The following YOD1 variants were observed in gnomAD, a reference collection of about 807,000 sequenced individuals.
The protein encoded by YOD1 is ubiquitin thioesterase OTU1.
YOD1 carries 17 observed loss-of-function variants against 23.7 expected under a neutral mutation model. The ratio of observed to expected loss-of-function variants is 0.72; its 90% CI spans 0.49 to 1.07. The LOEUF (loss-of-function observed/expected upper bound fraction) is 1.07, where lower values mean the gene tolerates loss of function less well. YOD1 is among the 50% of genes least tolerant of loss of function. The pLI, the probability that YOD1 is intolerant of heterozygous loss-of-function variation, is 0.00. For synonymous variants in YOD1, 191 were observed against 169.6 expected, an observed-to-expected ratio of 1.13 and a Z score of -0.98; for missense variants, 413 against 447.2, an observed-to-expected ratio of 0.92 and a Z score of 0.69.
intron 1 of YOD1, 129 bp from the exon 2 acceptor site, chr1:207,049,852 G>A (rs536099898): frequency 8.8e-6 from 7 of 797,130 alleles, no homozygotes; most frequent in East Asian, 5.4e-5. Context: ...GGAGAATACA[G>A]TTTTGCAAGT....
chr1:207,052,173 G>A, upstream of YOD1: 1 of 1,612,052 alleles, frequency 6.2e-7, no homozygotes, highest in Non-Finnish European at 8.5e-7. Flanking sequence ...AGTTCACTTG[G>A]TGCAAACTCA....
In YOD1 at chr1:207,046,791, T is replaced by C. The variant is rs528035693; in HGVS notation, c.*2229A>G. Reference sequence around the variant, plus strand: ...TTTACCCACTGTAGAAAATATATACTGAATATAAAGTGACAGAAACTTATG... The same window carrying C: ...TTTACCCACTGTAGAAAATATATACCGAATATAAAGTGACAGAAACTTATG... On this transcript the variant is annotated 3_prime_UTR_variant, in exon 2 of 2. Coordinates refer to ENST00000315927, the MANE Select transcript of YOD1 (RefSeq NM_018566.4). 7.2e-5 allele frequency: 11 copies of C among 152,104 alleles called. No individual in the cohort carries two copies. The highest frequency in any genetic ancestry group is 2.6e-4 in the Admixed American group (4 of 15,278). The allele number at this position is 152,104 out of a possible 1,614,324, so 9.4% of individuals were successfully genotyped here.
At chr1:207,051,271 G>C (rs556993568), upstream of YOD1, among the ~76,000 whole-genome samples, 1 of 152,302 alleles carries the variant, frequency 6.6e-6, no homozygotes, top group South Asian at 2.1e-4. Context: ...AGGAGTTCCT[G>C]AATGAAGGTC....
At position 207,051,005 on chromosome 1, in the gene YOD1, T is replaced by G; in HGVS notation, c.26A>C (p.His9Pro). The G allele has an allele frequency of 6.6e-7, 1 of 1,524,784 alleles. No individual in the cohort carries two copies. Among genetic ancestry groups the G allele is most frequent in the Non-Finnish European group, 8.8e-7 (1 of 1,135,246 alleles). The allele number at this position is 1,524,784 out of a possible 1,614,324, so 94.5% of individuals were successfully genotyped here. A position where few individuals can be genotyped will look rare whatever the true frequency, so the allele number is the denominator to read the frequency against. Residue 9 changes from histidine (H) to proline (P), a missense_variant, in exon 1 of 2, where the codon CAT (histidine) becomes CCT (proline). By Grantham distance (77) the His-to-Pro change is moderately conservative (BLOSUM62 -2). Coordinates refer to ENST00000315927, the MANE Select transcript of YOD1 (RefSeq NM_018566.4). MFGPAKGR[H>P]FGVHPAPGFP... ...ACCAGGCGCCGGGTGGACTCCAAAA[T>G]GGCGACCTTTAGCGGGGCCAAACAT...
In YOD1 at chr1:207,048,140, C is replaced by A. The variant is rs1321937553; in HGVS notation, c.*880G>T. 1 of 152,518 alleles carries A rather than the reference C, an allele frequency of 6.6e-6. No homozygotes were observed. The highest frequency in any genetic ancestry group is 1.5e-5 in the Non-Finnish European group (1 of 68,002). The allele number at this position is 152,518 out of a possible 1,614,324, so 9.4% of individuals were successfully genotyped here. A position where few individuals can be genotyped will look rare whatever the true frequency, so the allele number is the denominator to read the frequency against. On this transcript the variant is annotated 3_prime_UTR_variant, in exon 2 of 2. Coordinates refer to ENST00000315927, the MANE Select transcript of YOD1 (RefSeq NM_018566.4). ...CAAGGAATTTCAATTAAAAAAGTACCCTGCTTAACTTTAAAATGTTATCCA... is the reference window on the plus strand; with the variant it reads ...CAAGGAATTTCAATTAAAAAAGTACACTGCTTAACTTTAAAATGTTATCCA...
upstream of YOD1, among the ~76,000 whole-genome samples, chr1:207,052,537 T>G (rs1344666234): frequency 6.6e-6 from 1 of 152,148 alleles, no homozygotes; most frequent in Non-Finnish European, 1.5e-5. Context: ...GGTCCATGCC[T>G]TTAATTCTAG....
In YOD1 at chr1:207,045,925, A is replaced by G. The variant is rs1682590808; in HGVS notation, c.*3095T>C. 6.6e-6 allele frequency: 1 copy of G among 152,122 alleles called. No homozygotes were observed. Among genetic ancestry groups the G allele is most frequent in the Admixed American group, 6.5e-5 (1 of 15,280 alleles). 9.4% of individuals were successfully genotyped at this position (152,122 alleles called of 1,614,324 possible). On this transcript the variant is annotated 3_prime_UTR_variant, in exon 2 of 2. Transcript: ENST00000315927. ...CAAGCGTCAAGGGTACCACTTGACT[A>G]TGCTAATTTCATGGGAAACAATGAA...
At position 207,047,254 on chromosome 1, in the gene YOD1, TA is replaced by T. The variant is rs1682622795; in HGVS notation, c.*1765del. ...AAACACTTTTAAGTTATGCTGACCA[TA>T]ACAGCTTATATTGTCTAAAATAACT... On this transcript the variant is annotated 3_prime_UTR_variant, in exon 2 of 2. Coordinates refer to ENST00000315927, the MANE Select transcript of YOD1 (RefSeq NM_018566.4). 1 of 152,514 alleles carries T rather than the reference TA, an allele frequency of 6.6e-6. No homozygotes were observed. The highest frequency in any genetic ancestry group is 2.4e-5 in the African/African-American group (1 of 41,444). 9.4% of individuals were successfully genotyped at this position (152,514 alleles called of 1,614,324 possible).
In YOD1 at chr1:207,049,590, A is replaced by G. The variant is rs763255522; in HGVS notation, c.477T>C (p.Ser159=). 1.2e-5 allele frequency: 19 copies of G among 1,614,080 alleles called. No homozygotes were observed. In the East Asian group the frequency reaches 3.6e-4, roughly 30 times the overall value. Residue 159 remains serine (S), a synonymous_variant, in exon 2 of 2, where the codon TCT becomes TCC. Transcript: ENST00000315927. The part of the protein sequence containing the change: ...LTRTVVPADN[S]CLFTSVYYVV... ...CATAGTACACACTAGTAAAGAGGCAAGAGTTGTCTGCTGGGACCACGGTTC... is the reference window on the plus strand; with the variant it reads ...CATAGTACACACTAGTAAAGAGGCAGGAGTTGTCTGCTGGGACCACGGTTC...
At position 207,047,676 on chromosome 1, in the gene YOD1, T is replaced by C. The variant is rs1682631602; in HGVS notation, c.*1344A>G. On this transcript the variant is annotated 3_prime_UTR_variant, in exon 2 of 2. Coordinates refer to ENST00000315927, the MANE Select transcript of YOD1 (RefSeq NM_018566.4). ...GAAGATCTTGTAGTGAAGCTAAGTT[T>C]TAGAGGGTGTGCCTTGCGGATTAGT... is the stretch of plus-strand genomic sequence containing the variant. 2 of 152,650 alleles carry C rather than the reference T, an allele frequency of 1.3e-5. No individual in the cohort carries two copies. The highest frequency in any genetic ancestry group is 4.8e-5 in the African/African-American group (2 of 41,468). The allele number at this position is 152,650 out of a possible 1,614,324, so 9.5% of individuals were successfully genotyped here. A position where few individuals can be genotyped will look rare whatever the true frequency, so the allele number is the denominator to read the frequency against.
Position 207,047,864 on chromosome 1 carries a change from T to C in YOD1, c.*1156A>G, listed in dbSNP as rs549623611. On this transcript the variant is annotated 3_prime_UTR_variant, in exon 2 of 2. Transcript: ENST00000315927. ...AAACTTCAAAAATCAAAGTAAAAGA[T>C]TGCAGATAAGCAAAGTGCTAATTTG... is the stretch of plus-strand genomic sequence containing the variant. 3.7e-4 allele frequency: 57 copies of C among 152,360 alleles called. No homozygotes were observed. Among genetic ancestry groups the C allele is most frequent in the South Asian group, 4.1e-4 (2 of 4,832 alleles). 9.4% of individuals were successfully genotyped at this position (152,360 alleles called of 1,614,324 possible).
rs1343937932 is a variant in YOD1, at chr1:207,049,005, T to A, written c.*15A>T. 3 of 1,606,782 alleles carry A rather than the reference T, an allele frequency of 1.9e-6. No individual in the cohort carries two copies. Among genetic ancestry groups the A allele is most frequent in the Admixed American group, 1.7e-5 (1 of 59,614 alleles). ...TGTGTGAGGTAGTAGGCTTCAACCC[T>A]CATTCATGCATAGGTCACACTTCTC... On this transcript the variant is annotated 3_prime_UTR_variant, in exon 2 of 2. Coordinates refer to ENST00000315927, the MANE Select transcript of YOD1 (RefSeq NM_018566.4).
rs1007965165 is a variant in YOD1, at chr1:207,046,911, T to C, written c.*2109A>G. 3 of 152,116 alleles carry C rather than the reference T, an allele frequency of 2.0e-5. No individual in the cohort carries two copies. Among genetic ancestry groups the C allele is most frequent in the African/African-American group, 7.2e-5 (3 of 41,458 alleles). 9.4% of individuals were successfully genotyped at this position (152,116 alleles called of 1,614,324 possible). A position where few individuals can be genotyped will look rare whatever the true frequency, so the allele number is the denominator to read the frequency against. ...AATATTTGTTGCACGAATAAACTTC[T>C]AGATCTAAAGCTGTAGTAAGCAAAT... On this transcript the variant is annotated 3_prime_UTR_variant, in exon 2 of 2. Transcript: ENST00000315927.
rs1258359982 is a variant in YOD1, at chr1:207,049,116, G to A, written c.951C>T (p.Thr317=). The change falls in exon 2 of 2, where the codon ACC becomes ACT. Residue 317 remains threonine (T), a synonymous_variant. Transcript: ENST00000315927. The stretch of plus-strand genomic sequence containing the variant: ...CTTTCTGACATACCATGCATCTCAG[G>A]GTGAAGCGGTTGACATCAGTAAACT... ...RRQFTDVNRF[T]LRCMVCQKGL... 6.2e-7 allele frequency: 1 copy of A among 1,613,826 alleles called. No individual in the cohort carries two copies. Among genetic ancestry groups the A allele is most frequent in the Admixed American group, 1.7e-5 (1 of 59,976 alleles).
intron 1 of YOD1, among the ~76,000 whole-genome samples, chr1:207,050,265 G>C (rs74863032): frequency 1.1e-4 from 16 of 152,044 alleles, no homozygotes; most frequent in African/African-American, 3.6e-4. Flanking sequence ...CCTGTCAAAC[G>C]AAGTATCTAC....
chr1:207,046,258 T>G lies in YOD1; in HGVS notation c.*2762A>C, dbSNP rs17258711. On this transcript the variant is annotated 3_prime_UTR_variant, in exon 2 of 2. Transcript: ENST00000315927. ...TAGGAAAGATTTCATTCTGCTCTAG[T>G]ACAAAACTTAAGACATTTAATCCTC... 6.6e-6 allele frequency: 1 copy of G among 151,934 alleles called. No homozygotes were observed. The highest frequency in any genetic ancestry group is 2.1e-4 in the South Asian group (1 of 4,816). 9.4% of individuals were successfully genotyped at this position (151,934 alleles called of 1,614,324 possible). A position where few individuals can be genotyped will look rare whatever the true frequency, so the allele number is the denominator to read the frequency against.
In YOD1 at chr1:207,050,815, G is replaced by C; in HGVS notation, c.216C>G (p.Leu72=). The C allele has an allele frequency of 6.2e-7, 1 of 1,613,298 alleles. No homozygotes were observed. Among genetic ancestry groups the C allele is most frequent in the Middle Eastern group, 1.6e-4 (1 of 6,062 alleles). The change falls in exon 1 of 2, where the codon CTC becomes CTG. Residue 72 remains leucine (L), a synonymous_variant. Coordinates refer to ENST00000315927, the MANE Select transcript of YOD1 (RefSeq NM_018566.4). The part of the protein sequence containing the change: ...GLSSRTRVRE[L]QGQIAAITGI... ...CGGTGATGGCGGCAATTTGGCCCTG[G>C]AGTTCCCGCACCCGGGTCCGGCTGG... is the stretch of plus-strand genomic sequence containing the variant.
At chr1:207,051,268 C>T (rs950805973), upstream of YOD1, among the ~76,000 whole-genome samples, 12 of 152,082 alleles carry the variant, frequency 7.9e-5, no homozygotes, top group Non-Finnish European at 1.8e-4. Context: ...GGAAGGAGTT[C>T]CTGAATGAAG....
Position 207,050,822 on chromosome 1 carries a change from C to T in YOD1, c.209G>A (p.Arg70Gln). 1 of 1,613,200 alleles carries T rather than the reference C, an allele frequency of 6.2e-7. No individual in the cohort carries two copies. The highest frequency in any genetic ancestry group is 8.5e-7 in the Non-Finnish European group (1 of 1,179,996). The stretch of plus-strand genomic sequence containing the variant: ...GGCGGCAATTTGGCCCTGGAGTTCC[C>T]GCACCCGGGTCCGGCTGGACAGCCC... ...LQGLSSRTRVRELQGQIAAIT... is the reference protein window; with the variant it reads ...LQGLSSRTRVQELQGQIAAIT... The change falls in exon 1 of 2, where the codon CGG becomes CAG. Residue 70 changes from arginine (R) to glutamine (Q), a missense_variant. Physicochemically the swap from Arg to Gln is conservative, Grantham distance 43 (BLOSUM62 1). Coordinates refer to ENST00000315927, the MANE Select transcript of YOD1 (RefSeq NM_018566.4).
Sources: gnomAD v4.1 joint callset for allele counts (sites outside exome capture counted in the v4.1 genomes callset) on GRCh38, gnomAD v4.1.1 for gene constraint, MANE v1.5 for transcripts, NCBI Gene and HGNC (gene_info 2026-07-23, HGNC 2026-07-21) for gene names.